The following PCDH15 variants were observed in gnomAD, a reference collection of about 807,000 sequenced individuals.
The protein encoded by PCDH15 is protocadherin-15.
Under a neutral mutation model 178.5 loss-of-function variants are expected in PCDH15, and 129 were observed. The ratio of observed to expected loss-of-function variants is 0.72; its 90% CI spans 0.63 to 0.84. The LOEUF (loss-of-function observed/expected upper bound fraction) is 0.84. Ranked by LOEUF, PCDH15 falls within the 40% of genes least tolerant of loss-of-function variation. The pLI, the probability that PCDH15 is intolerant of heterozygous loss-of-function variation, is 0.00. For synonymous variants in PCDH15, 800 were observed against 732.0 expected (o/e 1.09, Z -1.50); for missense variants, 2,230 against 2,099.9 (o/e 1.06, Z -1.21).
intron 1 of PCDH15, among the ~76,000 whole-genome samples, chr10:55,225,648 TGTGAGAGA>T (rs1371932866): frequency 7.6e-6 from 1 of 131,002 alleles, no homozygotes; most frequent in East Asian, 2.2e-4. Flanking sequence ...TGTGTGTGTG[TGTGAGAGA>T]GAGAGAGAGA....
At chr10:54,595,256 T>C (rs899591384) in intron 2 of PCDH15, among the ~76,000 whole-genome samples, 2 of 152,124 alleles carry the variant, frequency 1.3e-5, no homozygotes, top group African/African-American at 4.8e-5. Flanking sequence ...GTGCAGCAGG[T>C]TCCTAAACTT....
chr10:55,275,581 G>A (rs536897669), intron 1 of PCDH15, among the ~76,000 whole-genome samples: 1 of 151,788 alleles, frequency 6.6e-6, no homozygotes, highest in African/African-American at 2.4e-5. Flanking sequence ...ATAAGAATTT[G>A]GGTTGGTATT....
intron 2 of PCDH15, among the ~76,000 whole-genome samples, chr10:55,551,586 T>G (rs907248257): frequency 6.6e-6 from 1 of 151,816 alleles, no homozygotes; most frequent in East Asian, 1.9e-4. Flanking sequence ...AAGTTGGCAA[T>G]ATTGAAATGT....
At chr10:55,162,909 G>A (rs966317017) in intron 2 of PCDH15, among the ~76,000 whole-genome samples, 2 of 152,090 alleles carry the variant, frequency 1.3e-5, no homozygotes, top group Non-Finnish European at 2.9e-5. Flanking sequence ...TACAAGAGCT[G>A]CAACTTCTCT....
intron 3 of PCDH15, among the ~76,000 whole-genome samples, chr10:54,396,784 A>G (rs112978167): frequency 0.026 from 4,003 of 152,228 alleles, 168 homozygotes; most frequent in African/African-American, 0.089. Context: ...ATCAGGAAAT[A>G]CTTAGGCATA....
At chr10:54,695,869 TG>T (rs1272097214) in intron 1 of PCDH15, among the ~76,000 whole-genome samples, 1 of 151,582 alleles carries the variant, frequency 6.6e-6, no homozygotes, top group African/African-American at 2.4e-5. Context: ...TAAGCCCCAA[TG>T]GAAAAAAAAA....
At chr10:55,620,510 G>A (rs1463016562) in intron 2 of PCDH15, among the ~76,000 whole-genome samples, 2 of 151,884 alleles carry the variant, frequency 1.3e-5, no homozygotes, top group Admixed American at 1.3e-4. Context: ...AAATCATAAT[G>A]CCCATTGATT....
chr10:55,287,476 C>T (rs1842900280), intron 1 of PCDH15, among the ~76,000 whole-genome samples: 1 of 151,938 alleles, frequency 6.6e-6, no homozygotes, highest in African/African-American at 2.4e-5. Flanking sequence ...CTTAGTAAGG[C>T]TACACGTTCC....
At chr10:54,041,283 T>C (rs923939250) in intron 18 of PCDH15, among the ~76,000 whole-genome samples, 2 of 152,110 alleles carry the variant, frequency 1.3e-5, no homozygotes, top group Non-Finnish European at 2.9e-5. Flanking sequence ...AATACATCAA[T>C]TCATAACATT....
intron 3 of PCDH15, among the ~76,000 whole-genome samples, chr10:54,839,876 GA>G (rs554720092): frequency 5.2e-4 from 78 of 148,892 alleles, no homozygotes; most frequent in Middle Eastern, 3.4e-3. Context: ...AGTGCTGAAG[GA>G]AAAAAAAAAT....
intron 2 of PCDH15, among the ~76,000 whole-genome samples, chr10:54,538,710 A>T (rs12781429): frequency 1.3e-5 from 2 of 152,072 alleles, no homozygotes; most frequent in Admixed American, 1.3e-4. Flanking sequence ...TTCACACAAG[A>T]TCTGGTTGTT....
chr10:54,627,223 T>G (rs899407228), intron 2 of PCDH15, among the ~76,000 whole-genome samples: 24 of 152,228 alleles, frequency 1.6e-4, no homozygotes, highest in Middle Eastern at 6.8e-3. Context: ...AATGAGACTC[T>G]GGGGGACTCT....
intron 2 of PCDH15, among the ~76,000 whole-genome samples, chr10:54,974,516 T>C (rs942067505): frequency 2.0e-5 from 3 of 151,742 alleles, no homozygotes; most frequent in Non-Finnish European, 4.4e-5. Flanking sequence ...TGTATAGATA[T>C]ATAATATACA....
At chr10:54,643,675 G>GA (rs1195179602) in intron 2 of PCDH15, among the ~76,000 whole-genome samples, 1 of 149,062 alleles carries the variant, frequency 6.7e-6, no homozygotes, top group Non-Finnish European at 1.5e-5. Flanking sequence ...TATAGATTCA[G>GA]AAAAATATTT....
At chr10:54,053,843 G>T (rs2093828654) in intron 18 of PCDH15, among the ~76,000 whole-genome samples, 1 of 152,124 alleles carries the variant, frequency 6.6e-6, no homozygotes, top group Non-Finnish European at 1.5e-5. Context: ...AAAGTGTCAA[G>T]ACCAGTATCA....
intron 3 of PCDH15, among the ~76,000 whole-genome samples, chr10:54,860,177 A>C (rs1215252801): frequency 2.0e-5 from 3 of 152,072 alleles, no homozygotes; most frequent in Non-Finnish European, 2.9e-5. Context: ...GATTCAGGGT[A>C]CATGTGCAGA....
chr10:54,942,342 G>A (rs1377137656), intron 2 of PCDH15, among the ~76,000 whole-genome samples: 2 of 152,010 alleles, frequency 1.3e-5, no homozygotes, highest in East Asian at 3.9e-4. Flanking sequence ...TCAGAATTTA[G>A]TAGATTTTAT....
chr10:55,286,419 A>G (rs919398107), intron 1 of PCDH15, among the ~76,000 whole-genome samples: 1 of 151,882 alleles, frequency 6.6e-6, no homozygotes, highest in Non-Finnish European at 1.5e-5. Flanking sequence ...TTTGCAGTAC[A>G]TAAGTTATTG....
chr10:53,984,148 CTT>C (rs66540462), intron 21 of PCDH15, among the ~76,000 whole-genome samples: 5 of 63,556 alleles, frequency 7.9e-5, no homozygotes, highest in Admixed American at 2.0e-4. Context: ...TTTTTCTTTT[CTT>C]TTTTTTTTTT....
Sources: gnomAD v4.1 joint callset for allele counts (sites outside exome capture counted in the v4.1 genomes callset) on GRCh38, gnomAD v4.1.1 for gene constraint, MANE v1.5 for transcripts, NCBI Gene and HGNC (gene_info 2026-07-23, HGNC 2026-07-21) for gene names.